Variants in TMEM132D observed in about 807,000 individuals in gnomAD.
TMEM132D encodes the protein mature OL transmembrane protein.
Under a neutral mutation model 62.3 loss-of-function variants are expected in TMEM132D, and 21 were observed. That is an observed-to-expected ratio of 0.34 (90% CI 0.24 to 0.49). The LOEUF (loss-of-function observed/expected upper bound fraction) is 0.49, where lower values mean the gene tolerates loss of function less well. Ranked by LOEUF, TMEM132D falls within the 20% of genes least tolerant of loss-of-function variation. The probability of loss-of-function intolerance (pLI) is 0.99; values close to 1 mark genes in which losing one functional copy is unlikely to be tolerated. For synonymous variants in TMEM132D, 621 were observed against 575.6 expected, an observed-to-expected ratio of 1.08 and a Z score of -1.13; for missense variants, 1,346 against 1,402.8, an observed-to-expected ratio of 0.96 and a Z score of 0.65.
intron 1 of TMEM132D, among the ~76,000 whole-genome samples, chr12:129,858,699 C>T (rs1873770876): frequency 2.6e-5 from 1 of 38,242 alleles, no homozygotes; most frequent in African/African-American, 1.1e-4. Flanking sequence ...TCCGGGGAAA[C>T]GGGATGGGTG....
rs1448821220 is a variant in TMEM132D, at chr12:129,803,369, C to T, written c.79+99892G>A. 3.3e-5 allele frequency among the ~76,000 whole-genome samples: 5 copies of T among 152,084 alleles called. No homozygotes were observed. In the East Asian group the frequency reaches 9.7e-4, roughly 29 times the overall value. Reference sequence around the variant, plus strand: ...AGACCACAGTGCAATCAAACTAGATCTCAGGATTAAGAAACTCACTCAAAA... The same window carrying T: ...AGACCACAGTGCAATCAAACTAGATTTCAGGATTAAGAAACTCACTCAAAA... On this transcript the variant is annotated intron_variant, in intron 1 of 8. Coordinates refer to ENST00000422113, the MANE Select transcript of TMEM132D (RefSeq NM_133448.3).
At chr12:129,647,930 T>A (rs114993874) in intron 2 of TMEM132D, among the ~76,000 whole-genome samples, 3,934 of 152,264 alleles carry the variant, frequency 0.026, 172 homozygotes, top group African/African-American at 0.089. Flanking sequence ...CTAGTTCATT[T>A]CTGGGCATAG....
intron 2 of TMEM132D, among the ~76,000 whole-genome samples, chr12:129,617,982 G>A (rs1373310388): frequency 6.6e-6 from 1 of 152,142 alleles, no homozygotes; most frequent in African/African-American, 2.4e-5. Context: ...GTAGCTCTGT[G>A]GCCTCGACAT....
intron 1 of TMEM132D, among the ~76,000 whole-genome samples, chr12:129,788,860 G>C (rs980136507): frequency 6.6e-6 from 1 of 152,086 alleles, no homozygotes; most frequent in Non-Finnish European, 1.5e-5. Flanking sequence ...CCAGTTAGAC[G>C]GAAGAGCCCT....
At chr12:129,610,061 G>A (rs1052686098) in intron 2 of TMEM132D, among the ~76,000 whole-genome samples, 2 of 152,164 alleles carry the variant, frequency 1.3e-5, no homozygotes, top group African/African-American at 4.8e-5. Flanking sequence ...TCTGAGGTCA[G>A]GTGCTCAAGA....
At chr12:129,876,291 GGAA>G (rs1289043321) in intron 1 of TMEM132D, among the ~76,000 whole-genome samples, 4 of 152,104 alleles carry the variant, frequency 2.6e-5, no homozygotes, top group Admixed American at 6.5e-5. Context: ...CCTATCATTG[GGAA>G]GAAGAACTGC....
At chr12:129,507,494 G>C (rs1243897682) in intron 3 of TMEM132D, among the ~76,000 whole-genome samples, 1 of 152,130 alleles carries the variant, frequency 6.6e-6, no homozygotes, top group Admixed American at 6.5e-5. Flanking sequence ...CATAAAGAAA[G>C]TGTTGCACAT....
chr12:129,598,930 C>T (rs922795439), intron 2 of TMEM132D, among the ~76,000 whole-genome samples: 1 of 152,172 alleles, frequency 6.6e-6, no homozygotes, highest in South Asian at 2.1e-4. Context: ...TCTCATGGCA[C>T]TGCATTGTAA....
chr12:129,515,823 C>T (rs1039067125), intron 3 of TMEM132D, among the ~76,000 whole-genome samples: 26 of 152,226 alleles, frequency 1.7e-4, no homozygotes, highest in Admixed American at 9.2e-4. Flanking sequence ...TGAACCCATG[C>T]ATAAAGCCAC....
At chr12:129,152,996 C>T (rs1029824494) in intron 5 of TMEM132D, among the ~76,000 whole-genome samples, 6 of 152,174 alleles carry the variant, frequency 3.9e-5, no homozygotes, top group East Asian at 1.9e-4. Context: ...CCAACTCTTC[C>T]GAGCTCTGGC....
chr12:129,854,252 T>A (rs1873643156), intron 1 of TMEM132D, among the ~76,000 whole-genome samples: 2 of 152,180 alleles, frequency 1.3e-5, no homozygotes, highest in African/African-American at 4.8e-5. Flanking sequence ...GCACTGTCCT[T>A]AGCTGTTTCC....
intron 5 of TMEM132D, among the ~76,000 whole-genome samples, chr12:129,113,925 G>A (rs1252917856): frequency 2.0e-5 from 3 of 152,064 alleles, no homozygotes; most frequent in African/African-American, 7.2e-5. Context: ...TCCCAGCTGG[G>A]TAGGGGATGG....
intron 3 of TMEM132D, among the ~76,000 whole-genome samples, chr12:129,373,658 TA>T (rs140469625): frequency 1.7e-4 from 26 of 150,900 alleles, no homozygotes; most frequent in African/African-American, 5.4e-4. Flanking sequence ...CAAAACAAAA[TA>T]AAAAAAACAA....
At chr12:129,359,341 TACA>T (rs1870175367) in intron 3 of TMEM132D, among the ~76,000 whole-genome samples, 2 of 152,168 alleles carry the variant, frequency 1.3e-5, no homozygotes, top group Non-Finnish European at 2.9e-5. Flanking sequence ...GTGATGGTGG[TACA>T]ACATTATGAA....
chr12:129,315,803 C>A (rs950738293), intron 4 of TMEM132D, among the ~76,000 whole-genome samples: 1 of 151,930 alleles, frequency 6.6e-6, no homozygotes, highest in Non-Finnish European at 1.5e-5. Flanking sequence ...TTTAAATTAC[C>A]ATTTCAGTCT....
At chr12:129,140,192 A>C (rs950942127) in intron 5 of TMEM132D, among the ~76,000 whole-genome samples, 9 of 148,586 alleles carry the variant, frequency 6.1e-5, no homozygotes, top group African/African-American at 2.2e-4. Context: ...AAATTTATCA[A>C]GGGAGATTTT....
rs184784669 is a variant in TMEM132D, at chr12:129,675,324, G to C, written c.968+24486C>G. Among the ~76,000 whole-genome samples the C allele has an allele frequency of 1.5e-3, 232 of 150,094 alleles. 4 individuals are homozygous for C. The South Asian group carries it at 0.049, about 31-fold the overall frequency. On this transcript the variant is annotated intron_variant, in intron 2 of 8. Transcript: ENST00000422113. The stretch of plus-strand genomic sequence containing the variant: ...CACTCATAAGTGGGAATTGAACAAT[G>C]AGAACACATGGAGACAGATTGGGGA...
chr12:129,573,038 T>A (rs186632522), intron 2 of TMEM132D, among the ~76,000 whole-genome samples: 1 of 152,208 alleles, frequency 6.6e-6, no homozygotes, highest in Non-Finnish European at 1.5e-5. Flanking sequence ...ATTACTCATA[T>A]GCTATACAAA....
At chr12:129,672,722 T>C (rs145658994) in intron 2 of TMEM132D, among the ~76,000 whole-genome samples, 95 of 152,280 alleles carry the variant, frequency 6.2e-4, no homozygotes, top group African/African-American at 2.2e-3. Context: ...TATATAAATA[T>C]TTTGGTATAC....
Sources: allele counts gnomAD v4.1 joint callset (sites outside exome capture counted in the v4.1 genomes callset), GRCh38; gene constraint gnomAD v4.1.1; transcripts MANE v1.5; gene names NCBI Gene and HGNC (gene_info 2026-07-23, HGNC 2026-07-21).